AFAP1: variants seen among roughly 807,000 people sequenced by gnomAD.
AFAP1 encodes the protein actin filament-associated protein 1.
AFAP1 carries 75 observed loss-of-function variants against 93.9 expected under a neutral mutation model. The observed-to-expected ratio is 0.80, with a 90% confidence interval of 0.66 to 0.97. AFAP1 has a LOEUF of 0.97. AFAP1 is among the 50% of genes least tolerant of loss of function. AFAP1 has a pLI of 0.00. For synonymous variants in AFAP1, 517 were observed against 430.7 expected, an observed-to-expected ratio of 1.20 and a Z score of -2.48; for missense variants, 1,201 against 1,050.8, an observed-to-expected ratio of 1.14 and a Z score of -1.98.
At chr4:7,889,330 C>G (rs147595520) in intron 1 of AFAP1, among the ~76,000 whole-genome samples, 2,909 of 151,860 alleles carry the variant, frequency 0.019, 95 homozygotes, top group African/African-American at 0.067. Flanking sequence ...GGACGGATCA[C>G]GAGGTCAGGA....
chr4:7,824,419 TTG>T (rs1721247854), intron 6 of AFAP1, among the ~76,000 whole-genome samples: 1 of 104,348 alleles, frequency 9.6e-6, no homozygotes, highest in Admixed American at 1.1e-4. Flanking sequence ...TTTTCAGCAT[TTG>T]TGTACACACA....
chr4:7,772,927 G>A lies in AFAP1; in HGVS notation c.2146C>T (p.Leu716=). ...CRQKEAERVS[L]ELELTEVKES... ...TTGACCTCCGTCAGCTCCAGCTCCA[G>A]GCTGACACGCTCCGCCTCCTTCTGC... The change falls in exon 16 of 18, where the codon CTG becomes TTG. Residue 716 remains leucine, a synonymous_variant. Transcript: ENST00000420658. The A allele has an allele frequency of 6.2e-7, 1 of 1,614,044 alleles. No homozygotes were observed. The highest frequency in any genetic ancestry group is 1.7e-5 in the Admixed American group (1 of 60,026).
At chr4:7,765,568 G>C (rs919415210) in intron 17 of AFAP1, among the ~76,000 whole-genome samples, 1 of 152,212 alleles carries the variant, frequency 6.6e-6, no homozygotes, top group African/African-American at 2.4e-5. Context: ...AGAAGCCTGG[G>C]CTACTCATGG....
intron 1 of AFAP1, among the ~76,000 whole-genome samples, chr4:7,877,306 T>G (rs1245834238): frequency 1.3e-5 from 2 of 152,222 alleles, no homozygotes; most frequent in African/African-American, 2.4e-5. Flanking sequence ...GGCACTGTGC[T>G]GGCATCTACA....
intron 6 of AFAP1, 70 bp downstream of exon 6, chr4:7,838,454 T>C: frequency 1.3e-6 from 2 of 1,505,342 alleles, no homozygotes; most frequent in African/African-American, 1.4e-5. Context: ...AAAATTAAAA[T>C]TAAAATTAAA....
intron 1 of AFAP1, among the ~76,000 whole-genome samples, chr4:7,898,657 G>A (rs76070216): frequency 3.5e-4 from 48 of 135,572 alleles, no homozygotes; most frequent in South Asian, 4.7e-4. Flanking sequence ...AGAAAAAGAA[G>A]AAAAAAAAAA....
chr4:7,864,512 C>T (rs1017390054), intron 3 of AFAP1, among the ~76,000 whole-genome samples: 1 of 152,190 alleles, frequency 6.6e-6, no homozygotes, highest in Non-Finnish European at 1.5e-5. Context: ...AAACTACAGT[C>T]CAGCTAGCTT....
chr4:7,840,289 CCTGGTTTGTTTTTGGGGTGTGT>C, intron 5 of AFAP1, among the ~76,000 whole-genome samples: 2 of 65,464 alleles, frequency 3.1e-5, no homozygotes, highest in African/African-American at 1.3e-4. Context: ...TGTGTGTGTT[CCTGGTTTGTTTTTGGGGTGTGT>C]GTGTGTGTGT....
At chr4:7,816,523 T>C (rs1420341962) in intron 7 of AFAP1, among the ~76,000 whole-genome samples, 1 of 152,234 alleles carries the variant, frequency 6.6e-6, no homozygotes, top group Non-Finnish European at 1.5e-5. Flanking sequence ...TGGGTGAGTG[T>C]CAAGTATCTG....
chr4:7,804,525 C>G (rs1719335026), intron 9 of AFAP1, among the ~76,000 whole-genome samples: 1 of 151,948 alleles, frequency 6.6e-6, no homozygotes, highest in Admixed American at 6.6e-5. Flanking sequence ...ATTAAACAAA[C>G]AAAAAATACA....
At chr4:7,873,043 A>G (rs1446035773) in intron 1 of AFAP1, among the ~76,000 whole-genome samples, 7 of 150,888 alleles carry the variant, frequency 4.6e-5, no homozygotes, top group Non-Finnish European at 1.5e-5. Flanking sequence ...TAAGGTCAGA[A>G]GTTCGAGACC....
intron 3 of AFAP1, 137 bp from the exon 4 acceptor site, chr4:7,855,711 G>C (rs975853862): frequency 9.5e-6 from 7 of 733,032 alleles, no homozygotes; most frequent in African/African-American, 1.7e-5. Context: ...CTCATCCTAC[G>C]AAGAGGCTTG....
intron 16 of AFAP1, among the ~76,000 whole-genome samples, chr4:7,771,361 C>T (rs1715409248): frequency 6.6e-6 from 1 of 152,210 alleles, no homozygotes; most frequent in South Asian, 2.1e-4. Context: ...TACACACACA[C>T]ACACCTTTAC....
rs1311039630 is a variant in AFAP1 at position 7,781,640 on chromosome 4, T to C, written c.1531-13A>G. The C allele has an allele frequency of 7.7e-6, 12 of 1,551,128 alleles. No individual in the cohort carries two copies. The highest frequency in any genetic ancestry group is 2.4e-5 in the East Asian group (1 of 40,918). On this transcript the variant is annotated splice_polypyrimidine_tract_variant and intron_variant, in intron 12 of 17. Coordinates refer to ENST00000420658, the MANE Select transcript of AFAP1 (RefSeq NM_001134647.2). ...CTTCCGGTTCCCACTGCAACACACA[T>C]AGCTTTGTGGTTAGTGACTTGGACA... is the stretch of plus-strand genomic sequence containing the variant.
intron 1 of AFAP1, among the ~76,000 whole-genome samples, chr4:7,879,239 A>T (rs931414821): frequency 6.6e-6 from 1 of 152,326 alleles, no homozygotes; most frequent in Admixed American, 6.5e-5. Flanking sequence ...ATAACCAGTC[A>T]CATTCCAATA....
chr4:7,857,843 C>A (rs1577303506), intron 3 of AFAP1, among the ~76,000 whole-genome samples: 2 of 152,186 alleles, frequency 1.3e-5, no homozygotes, highest in African/African-American at 2.4e-5. Context: ...CTCAGTGCCC[C>A]AAGGAACTTA....
chr4:7,897,393 G>A (rs1276943148), intron 1 of AFAP1, among the ~76,000 whole-genome samples: 2 of 152,280 alleles, frequency 1.3e-5, no homozygotes, highest in East Asian at 1.9e-4. Context: ...CCTCTTGCTA[G>A]CCCTGTGTGC....
At chr4:7,781,298 T>C (rs1421087409) in intron 13 of AFAP1, 78 bp downstream of exon 13, 8 of 1,498,858 alleles carry the variant, frequency 5.3e-6, no homozygotes, top group Non-Finnish European at 7.2e-6. Flanking sequence ...GAGTCCCATT[T>C]ACTACAAGTT....
chr4:7,872,923 T>A (rs1717171929), intron 1 of AFAP1, among the ~76,000 whole-genome samples: 1 of 147,184 alleles, frequency 6.8e-6, no homozygotes, highest in African/African-American at 2.5e-5. Flanking sequence ...CAGGTTTTTT[T>A]TCCTTTTTTT....
Sources: gnomAD v4.1 joint callset for allele counts (sites outside exome capture counted in the v4.1 genomes callset) on GRCh38, gnomAD v4.1.1 for gene constraint, MANE v1.5 for transcripts, NCBI Gene and HGNC (gene_info 2026-07-23, HGNC 2026-07-21) for gene names.